The following MED23 variants were observed in gnomAD, a reference collection of about 807,000 sequenced individuals.
MED23 encodes the protein mediator complex subunit 23.
A neutral mutation model predicts 163.9 loss-of-function variants in MED23; 105 were observed. The ratio of observed to expected loss-of-function variants is 0.64; its 90% CI spans 0.55 to 0.75. The LOEUF is 0.75. Among genes scored for constraint, MED23 ranks in the 30% least tolerant of loss-of-function variants. The probability of loss-of-function intolerance (pLI) is 0.00; values close to 1 mark genes in which losing one functional copy is unlikely to be tolerated. For missense variants in MED23, 1,054 were observed against 1,649.0 expected (o/e 0.64, Z 6.25); for synonymous variants, 561 against 565.6 (o/e 0.99, Z 0.12).
At chr6:131,605,187 C>G in intron 14 of MED23, 53 bp downstream of exon 14, 1 of 1,580,194 alleles carries the variant, frequency 6.3e-7, no homozygotes, top group Admixed American at 1.7e-5. Context: ...AAGGTTTATA[C>G]TATACTCGTA....
chr6:131,616,762 G>A lies in MED23; in HGVS notation c.781-760C>T, dbSNP rs147892748. On this transcript the variant is annotated intron_variant, in intron 9 of 28. Coordinates refer to ENST00000368068, the MANE Select transcript of MED23 (RefSeq NM_004830.4). ...CCTGAGCCCCAAAGGTTGAGGGTGCGGTGAGCTGTGATTGTGCCACTATAC... is the reference window on the plus strand; with the variant it reads ...CCTGAGCCCCAAAGGTTGAGGGTGCAGTGAGCTGTGATTGTGCCACTATAC... 3.7e-3 allele frequency among the ~76,000 whole-genome samples: 556 copies of A among 152,230 alleles called. 1 individual carries two copies. Among genetic ancestry groups the A allele is most frequent in the Non-Finnish European group, 6.1e-3 (412 of 68,020 alleles).
chr6:131,625,849 G>A (rs770391154), intron 3 of MED23, among the ~76,000 whole-genome samples: 13 of 152,004 alleles, frequency 8.6e-5, no homozygotes, highest in African/African-American at 2.9e-4. Flanking sequence ...TCAGCCGGGC[G>A]CGGTGGCTCA....
chr6:131,596,397 T>G, intron 21 of MED23, 121 bp downstream of exon 21: 1 of 1,181,074 alleles, frequency 8.5e-7, no homozygotes. Context: ...GAGAGCTAAC[T>G]TACTTCTATA....
downstream of MED23, chr6:131,583,285 T>C (rs1774032477): frequency 1.9e-6 from 3 of 1,609,810 alleles, no homozygotes; most frequent in Non-Finnish European, 2.5e-6. Context: ...TAAAACAAGT[T>C]AACAGATTAT....
At chr6:131,627,329 GAAAAAAAA>G in intron 3 of MED23, 59 bp downstream of exon 3, 1 of 871,708 alleles carries the variant, frequency 1.1e-6, no homozygotes, top group Admixed American at 2.7e-5. Context: ...AATGTTAAAA[GAAAAAAAA>G]AAAAAAAAAG....
intron 17 of MED23, 143 bp downstream of exon 17, chr6:131,602,075 G>A (rs1775526643): frequency 1.1e-6 from 1 of 882,664 alleles, no homozygotes; most frequent in Admixed American, 2.0e-5. Flanking sequence ...ATAAATGAGT[G>A]AAATAGTGAA....
At chr6:131,615,503 C>CAAAAAAAAAAAAAAAAAAA (rs917020235) in intron 10 of MED23, among the ~76,000 whole-genome samples, 1 of 14,162 alleles carries the variant, frequency 7.1e-5, no homozygotes, top group Non-Finnish European at 1.3e-4. Context: ...AAACACACAC[C>CAAAAAAAAAAAAAAAAAAA]AAAAAAAAAA....
chr6:131,597,979 C>CA (rs1251388678), intron 20 of MED23, among the ~76,000 whole-genome samples: 5 of 152,168 alleles, frequency 3.3e-5, no homozygotes, highest in Middle Eastern at 6.8e-3. Flanking sequence ...CCTGTACTCC[C>CA]AGCTACTCAG....
exon 31 of MED23, chr6:131,574,090 T>C (rs1773497700): frequency 3.0e-6 from 2 of 663,380 alleles, no homozygotes; most frequent in African/African-American, 1.8e-5. Context: ...GGCACACTTA[T>C]TCTAGTAAAG....
chr6:131,574,860 G>C (rs927574542), intron 30 of MED23, among the ~76,000 whole-genome samples: 27 of 152,204 alleles, frequency 1.8e-4, no homozygotes, highest in Non-Finnish European at 4.0e-4. Context: ...AAAGCCCAGA[G>C]AGGTTTGGTA....
Position 131,627,648 on chromosome 6 carries a change from A to G in MED23, c.64T>C (p.Phe22Leu). Residue 22 changes from phenylalanine to leucine, a missense_variant, in exon 2 of 29, where the codon TTT becomes CTT. By Grantham distance (22) the Phe-to-Leu change is conservative. Coordinates refer to ENST00000368068, the MANE Select transcript of MED23 (RefSeq NM_004830.4). ...VVKTEVIEEAFPGMFMDTPED... is the reference protein window; with the variant it reads ...VVKTEVIEEALPGMFMDTPED... ...TGCCACGCATACACTCACCCAGGAA[A>G]AGCCTCTTCTATAACTTCCGTTTTC... 4 of 1,611,344 alleles carry G rather than the reference A, an allele frequency of 2.5e-6. No individual in the cohort carries two copies. Among genetic ancestry groups the G allele is most frequent in the Non-Finnish European group, 3.4e-6 (4 of 1,178,912 alleles).
At chr6:131,606,980 T>C (rs543512442) in intron 12 of MED23, among the ~76,000 whole-genome samples, 2 of 152,142 alleles carry the variant, frequency 1.3e-5, no homozygotes, top group South Asian at 4.1e-4. Flanking sequence ...GTGACAAATG[T>C]AACTAAAAAC....
At chr6:131,575,565 G>A (rs917804422) in intron 30 of MED23, among the ~76,000 whole-genome samples, 3 of 152,190 alleles carry the variant, frequency 2.0e-5, no homozygotes, top group African/African-American at 7.2e-5. Flanking sequence ...CCCAGGGCAA[G>A]TCTTCTGTTC....
At chr6:131,605,135 G>A in intron 14 of MED23, 105 bp downstream of exon 14, 2 of 1,237,036 alleles carry the variant, frequency 1.6e-6, no homozygotes, top group Non-Finnish European at 2.3e-6. Context: ...TTTCTCAAAT[G>A]TACCTGACTA....
At chr6:131,623,268 T>C in intron 5 of MED23, 83 bp downstream of exon 5, 1 of 1,081,782 alleles carries the variant, frequency 9.2e-7, no homozygotes, top group Non-Finnish European at 1.4e-6. Context: ...CCACATCATT[T>C]CTCTCACCTG....
chr6:131,592,268 C>T, intron 25 of MED23, 120 bp downstream of exon 25: 2 of 858,490 alleles, frequency 2.3e-6, no homozygotes, highest in Non-Finnish European at 1.9e-6. Flanking sequence ...ACATAAAATA[C>T]TTCATTAATT....
downstream of MED23, chr6:131,584,476 G>C (rs1774102203): frequency 6.6e-6 from 1 of 152,670 alleles, no homozygotes; most frequent in Admixed American, 6.5e-5. Flanking sequence ...AAGTCACAGT[G>C]AAATCAATCA....
At chr6:131,579,147 C>T in intron 30 of MED23, 1 of 1,614,166 alleles carries the variant, frequency 6.2e-7, no homozygotes, top group Non-Finnish European at 8.5e-7. Context: ...CTGCCCTTTG[C>T]TGACATCCCT....
Position 131,627,663 on chromosome 6 carries a change from CT to C in MED23, c.48del (p.Val17LeufsTer2). The C allele has an allele frequency of 6.3e-7, 1 of 1,589,884 alleles. No homozygotes were observed. The highest frequency in any genetic ancestry group is 1.4e-5 in the African/African-American group (1 of 70,322). On this transcript the variant is annotated frameshift_variant, in exon 2 of 29. Transcript: ENST00000368068. LOFTEE classifies it high-confidence loss of function. ...CACCCAGGAAAAGCCTCTTCTATAACTTCCGTTTTCTGTAAAAAAAAAAAAA... is the reference window on the plus strand; with the variant it reads ...CACCCAGGAAAAGCCTCTTCTATAACTCCGTTTTCTGTAAAAAAAAAAAAA... ...QSIFEEVVKT[E>X]VIEEAFPGMF...
Sources: gnomAD v4.1 joint callset for allele counts (sites outside exome capture counted in the v4.1 genomes callset) on GRCh38, gnomAD v4.1.1 for gene constraint, MANE v1.5 for transcripts, NCBI Gene and HGNC (gene_info 2026-07-23, HGNC 2026-07-21) for gene names.